The following SATB1 variants were observed in gnomAD, a reference collection of about 807,000 sequenced individuals.
SATB1 encodes SATB homeobox 1.
SATB1 carries 11 observed loss-of-function variants against 86.9 expected under a neutral mutation model. That is an observed-to-expected ratio of 0.13 (90% confidence interval 0.08 to 0.21). SATB1 has a LOEUF of 0.21. Ranked by LOEUF, SATB1 falls within the 10% of genes least tolerant of loss-of-function variation. The probability of loss-of-function intolerance (pLI) is 1.00; values close to 1 mark genes in which losing one functional copy is unlikely to be tolerated. For synonymous variants in SATB1, 357 were observed against 357.2 expected, an observed-to-expected ratio of 1.00 and a Z score of 0.01; for missense variants, 551 against 937.6, an observed-to-expected ratio of 0.59 and a Z score of 5.39.
At chr3:18,378,411 T>C (rs955446487) in intron 8 of SATB1, 86 bp from the exon 9 acceptor site, 5 of 1,299,816 alleles carry the variant, frequency 3.8e-6, no homozygotes, top group Non-Finnish European at 5.4e-6. Flanking sequence ...AACTGGACAC[T>C]GTTGTTCCTT....
Position 18,378,259 on chromosome 3 carries a change from C to T in SATB1, c.1486G>A (p.Ala496Thr), listed in dbSNP as rs1172037309. ...TGCTGAATCTCATCATAAATGGAAG[C>T]ATTAATGTTCATGGTATTGTTCTCT... ...KPENNTMNIN[A>T]SIYDEIQQEM... The change falls in exon 9 of 11, where the codon GCT becomes ACT. Residue 496 changes from alanine (A) to threonine (T), a missense_variant. Transcript: ENST00000338745. The T allele has an allele frequency of 3.1e-6, 5 of 1,611,108 alleles. No individual in the cohort carries two copies. Among genetic ancestry groups the T allele is most frequent in the African/African-American group, 1.3e-5 (1 of 74,892 alleles).
intron 7 of SATB1, among the ~76,000 whole-genome samples, chr3:18,389,916 G>C (rs1229051745): frequency 6.6e-6 from 1 of 152,174 alleles, no homozygotes; most frequent in South Asian, 2.1e-4. Flanking sequence ...GATGTGTGCT[G>C]TATCTATGAA....
In SATB1 at chr3:18,346,652, T is replaced by G. The variant is rs986267899; in HGVS notation, c.*2518A>C. On this transcript the variant is annotated 3_prime_UTR_variant, in exon 11 of 11. Transcript: ENST00000338745. ...ATCAAATTATCAAAACCACGCTGAC[T>G]TTTAAAAGTTAAAAAATCTAAGTGG... The G allele has an allele frequency of 1.2e-4, 18 of 152,034 alleles. No homozygotes were observed. The highest frequency in any genetic ancestry group is 3.9e-4 in the East Asian group (2 of 5,194). 9.4% of individuals were successfully genotyped at this position (152,034 alleles called of 1,614,324 possible). A position where few individuals can be genotyped will look rare whatever the true frequency, so the allele number is the denominator to read the frequency against.
intron 9 of SATB1, among the ~76,000 whole-genome samples, chr3:18,362,949 G>C (rs563768396): frequency 2.0e-5 from 3 of 150,336 alleles, no homozygotes; most frequent in Non-Finnish European, 4.4e-5. Flanking sequence ...TACCTGACAG[G>C]GTAGTTTGTC....
chr3:18,421,021 T>G (rs1299570410), intron 1 of SATB1, 30 bp from the exon 2 acceptor site: 5 of 1,552,128 alleles, frequency 3.2e-6, no homozygotes, highest in Non-Finnish European at 4.4e-6. Flanking sequence ...AGACACGTTA[T>G]AGTTGGGCGG....
chr3:18,427,355 T>C (rs935157660), upstream of SATB1, among the ~76,000 whole-genome samples: 1 of 152,096 alleles, frequency 6.6e-6, no homozygotes, highest in Non-Finnish European at 1.5e-5. Context: ...TTACAAACAA[T>C]AGCAACATTT....
At chr3:18,392,115 T>A (rs952795666) in intron 7 of SATB1, among the ~76,000 whole-genome samples, 1 of 152,154 alleles carries the variant, frequency 6.6e-6, no homozygotes, top group Non-Finnish European at 1.5e-5. Flanking sequence ...GGTAATGACT[T>A]TTTTTCCTAA....
At chr3:18,435,549 C>T (rs959804071) in intron 2 of SATB1, among the ~76,000 whole-genome samples, 4 of 152,134 alleles carry the variant, frequency 2.6e-5, no homozygotes, top group African/African-American at 9.7e-5. Flanking sequence ...AAAGAACCCA[C>T]CAGGTGACCA....
chr3:18,349,816 AG>A lies in SATB1; in HGVS notation c.1780-135del. On this transcript the variant is annotated intron_variant, in intron 10 of 10. Coordinates refer to ENST00000338745, the MANE Select transcript of SATB1 (RefSeq NM_002971.6). The surrounding 1 kb of genome is among the most constrained non-coding windows in gnomAD (Gnocchi z 5.5). ...ATAGGGATGAAGATTTAGAAAGAAA[AG>A]GTAGGCCGGCGAAATGGCCGACAGC... The A allele has an allele frequency of 7.1e-7, 1 of 1,413,660 alleles. No individual in the cohort carries two copies. The highest frequency in any genetic ancestry group is 9.2e-7 in the Non-Finnish European group (1 of 1,081,890). The allele number at this position is 1,413,660 out of a possible 1,614,324, so 87.6% of individuals were successfully genotyped here.
At chr3:18,350,248 G>T (rs1265392517) in intron 10 of SATB1, 3 of 152,772 alleles carry the variant, frequency 2.0e-5, no homozygotes, top group Non-Finnish European at 4.4e-5. Context: ...TTTTCTATCA[G>T]ACAGTTCCAA....
At position 18,346,578 on chromosome 3, in the gene SATB1, T is replaced by TG. The variant is rs1694067253; in HGVS notation, c.*2591_*2592insC. On this transcript the variant is annotated 3_prime_UTR_variant, in exon 11 of 11. Coordinates refer to ENST00000338745, the MANE Select transcript of SATB1 (RefSeq NM_002971.6). ...ATCCTATCAGTTTATTAACATGTGC[T>TG]TGTGTGTGTGTGTGTGTGTGTGTGT... The TG allele has an allele frequency of 5.3e-5, 8 of 149,630 alleles. No homozygotes were observed. Among genetic ancestry groups the TG allele is most frequent in the African/African-American group, 2.0e-4 (8 of 40,832 alleles). 9.3% of individuals were successfully genotyped at this position (149,630 alleles called of 1,614,324 possible). A position where few individuals can be genotyped will look rare whatever the true frequency, so the allele number is the denominator to read the frequency against.
intron 4 of SATB1, 150 bp downstream of exon 4, chr3:18,415,857 G>T (rs998577621): frequency 9.1e-6 from 5 of 551,720 alleles, no homozygotes; most frequent in Non-Finnish European, 1.5e-5. Context: ...TAGGAAAAAA[G>T]GCAGAAGGAT....
chr3:18,394,715 T>C lies in SATB1; in HGVS notation c.953A>G (p.Asn318Ser). 2 of 1,614,136 alleles carry C rather than the reference T, an allele frequency of 1.2e-6. No homozygotes were observed. Among genetic ancestry groups the C allele is most frequent in the Non-Finnish European group, 1.7e-6 (2 of 1,180,032 alleles). Reference protein sequence around the residue: ...VSTPISPQLVNQQLVMAQLLN... With the variant: ...VSTPISPQLVSQQLVMAQLLN... ...CAGCTGAGCCATCACCAGCTGCTGG[T>C]TGACCAATTGAGGACTGATAGGTGT... Residue 318 changes from asparagine to serine, a missense_variant, in exon 7 of 11, where the codon AAC (asparagine) becomes AGC (serine). Transcript: ENST00000338745. The surrounding 1 kb of genome is among the most constrained non-coding windows in gnomAD (Gnocchi z 5.9).
At chr3:18,371,963 C>A (rs1195942416) in intron 9 of SATB1, among the ~76,000 whole-genome samples, 1 of 152,142 alleles carries the variant, frequency 6.6e-6, no homozygotes, top group Non-Finnish European at 1.5e-5. Flanking sequence ...TGTACCCACC[C>A]GAACCTGTCC....
At chr3:18,399,759 A>C (rs148668434) in intron 5 of SATB1, among the ~76,000 whole-genome samples, 1 of 152,298 alleles carries the variant, frequency 6.6e-6, no homozygotes, top group African/African-American at 2.4e-5. Flanking sequence ...TGCATGACAA[A>C]GCAACTTTTT....
In SATB1 at chr3:18,352,376, A is replaced by C; in HGVS notation, c.1576-181T>G. 1.7e-6 allele frequency: 1 copy of C among 579,110 alleles called. No individual in the cohort carries two copies. The highest frequency in any genetic ancestry group is 3.1e-6 in the Non-Finnish European group (1 of 327,002). The allele number at this position is 579,110 out of a possible 1,614,324, so 35.9% of individuals were successfully genotyped here. A position where few individuals can be genotyped will look rare whatever the true frequency, so the allele number is the denominator to read the frequency against. ...GGTTATCTGTGGCTGTCAAGGAGGC[A>C]GACTCTGTTTCTAATCAAAGTTCAG... is the stretch of plus-strand genomic sequence containing the variant. On this transcript the variant is annotated intron_variant, in intron 9 of 10. Coordinates refer to ENST00000338745, the MANE Select transcript of SATB1 (RefSeq NM_002971.6). This position sits in a 1 kb window ranked among gnomAD's most constrained non-coding sequence, Gnocchi z 4.1.
At chr3:18,356,027 C>A (rs1694612821) in intron 9 of SATB1, among the ~76,000 whole-genome samples, 1 of 151,844 alleles carries the variant, frequency 6.6e-6, no homozygotes, top group African/African-American at 2.4e-5. Flanking sequence ...GTTCTAAACC[C>A]TTTGTTTCTA....
At chr3:18,416,801 C>T in intron 3 of SATB1, 101 bp downstream of exon 3, 2 of 1,208,644 alleles carry the variant, frequency 1.7e-6, no homozygotes, top group Non-Finnish European at 2.3e-6. Context: ...CAATGTAATA[C>T]ACAGGCTACA....
upstream of SATB1, among the ~76,000 whole-genome samples, chr3:18,429,056 TAAA>T (rs1698804759): frequency 6.6e-6 from 1 of 152,230 alleles, no homozygotes; most frequent in Non-Finnish European, 1.5e-5. The surrounding 1 kb of genome is among the most constrained non-coding windows in gnomAD (Gnocchi z 4.1). Flanking sequence ...TCTACACTCT[TAAA>T]GCAGCACAAT....
Sources: gnomAD v4.1 joint callset for allele counts (sites outside exome capture counted in the v4.1 genomes callset) on GRCh38, gnomAD v4.1.1 for gene constraint, Gnocchi (gnomAD v3.1) non-coding constraint, MANE v1.5 for transcripts, NCBI Gene and HGNC (gene_info 2026-07-23, HGNC 2026-07-21) for gene names.